The following FAM222B variants were observed in gnomAD, a reference collection of about 807,000 sequenced individuals.
The protein encoded by FAM222B is protein FAM222B.
In FAM222B, 12 loss-of-function variants were observed where a neutral mutation model predicts 38.0. The ratio of observed to expected loss-of-function variants is 0.32; its 90% CI spans 0.20 to 0.51. The LOEUF is 0.51. Among genes scored for constraint, FAM222B ranks in the 20% least tolerant of loss-of-function variants. The probability of loss-of-function intolerance (pLI) is 0.97; values close to 1 mark genes in which losing one functional copy is unlikely to be tolerated. For missense variants in FAM222B, 716 were observed against 754.2 expected, an observed-to-expected ratio of 0.95 and a Z score of 0.59; for synonymous variants, 329 against 317.2, an observed-to-expected ratio of 1.04 and a Z score of -0.40.
At chr17:28,786,223 T>C (rs1278183145) in intron 1 of FAM222B, among the ~76,000 whole-genome samples, 1 of 152,160 alleles carries the variant, frequency 6.6e-6, no homozygotes, top group Non-Finnish European at 1.5e-5. Context: ...CACTTTGCAA[T>C]GTAACTCATT....
intron 1 of FAM222B, among the ~76,000 whole-genome samples, chr17:28,848,180 G>A (rs900320782): frequency 1.3e-5 from 2 of 152,102 alleles, no homozygotes; most frequent in African/African-American, 4.8e-5. Flanking sequence ...AGCAGCTCCA[G>A]ATATTATGTC....
chr17:28,854,878 A>G (rs2039216062), intron 1 of FAM222B: 3 of 739,770 alleles, frequency 4.1e-6, no homozygotes, highest in African/African-American at 3.5e-5. Context: ...CTTAGCCTCC[A>G]CCAGTCTCCA....
intron 1 of FAM222B, among the ~76,000 whole-genome samples, chr17:28,808,029 G>C (rs1222228117): frequency 6.6e-6 from 1 of 152,192 alleles, no homozygotes; most frequent in African/African-American, 2.4e-5. Flanking sequence ...CTGCCAGACT[G>C]AACAGCTCTG....
At chr17:28,829,838 C>T (rs911642103) in intron 1 of FAM222B, among the ~76,000 whole-genome samples, 8 of 151,864 alleles carry the variant, frequency 5.3e-5, no homozygotes, top group African/African-American at 1.9e-4. Flanking sequence ...ATACTTAGGT[C>T]ATTTTTTTTA....
chr17:28,795,726 T>C (rs2036910018), intron 1 of FAM222B, among the ~76,000 whole-genome samples: 1 of 152,232 alleles, frequency 6.6e-6, no homozygotes, highest in Non-Finnish European at 1.5e-5. Flanking sequence ...ACAGCCAATG[T>C]CCTACAGACT....
At chr17:28,816,612 A>G (rs1239602580) in intron 1 of FAM222B, among the ~76,000 whole-genome samples, 2 of 152,124 alleles carry the variant, frequency 1.3e-5, no homozygotes, top group Non-Finnish European at 2.9e-5. Flanking sequence ...AAAACGACAC[A>G]GTTCCCAGTA....
At chr17:28,836,389 C>T (rs918488823) in intron 1 of FAM222B, among the ~76,000 whole-genome samples, 1 of 152,074 alleles carries the variant, frequency 6.6e-6, no homozygotes. Flanking sequence ...CGCCTGTAAT[C>T]CCAGCACTTT....
intron 1 of FAM222B, among the ~76,000 whole-genome samples, chr17:28,772,874 GAC>G (rs1264240690): frequency 6.6e-6 from 1 of 152,098 alleles, no homozygotes; most frequent in Non-Finnish European, 1.5e-5. Flanking sequence ...CAGCCTCGGC[GAC>G]AGAGCGAGAC....
upstream of FAM222B, among the ~76,000 whole-genome samples, chr17:28,846,948 G>A (rs556738365): frequency 2.0e-4 from 30 of 152,148 alleles, no homozygotes; most frequent in African/African-American, 7.2e-4. Flanking sequence ...TTAGCGCTGG[G>A]CGTGGTGGCT....
At chr17:28,824,901 G>A (rs1223924448) in intron 1 of FAM222B, among the ~76,000 whole-genome samples, 3 of 152,084 alleles carry the variant, frequency 2.0e-5, no homozygotes, top group Non-Finnish European at 4.4e-5. Flanking sequence ...GAGTAGCTGG[G>A]ATTACAGGCA....
At chr17:28,840,187 C>T (rs1234543196) in intron 1 of FAM222B, among the ~76,000 whole-genome samples, 6 of 151,766 alleles carry the variant, frequency 4.0e-5, no homozygotes, top group Non-Finnish European at 7.4e-5. Context: ...ACCAAAATGG[C>T]GAAACCCCAT....
intron 1 of FAM222B, among the ~76,000 whole-genome samples, chr17:28,780,097 G>A (rs2036100375): frequency 6.6e-6 from 1 of 151,760 alleles, no homozygotes; most frequent in Non-Finnish European, 1.5e-5. Flanking sequence ...TCAGCCTCCT[G>A]GGTAGGTGGG....
At chr17:28,760,838 A>C (rs1275566462) in intron 2 of FAM222B, among the ~76,000 whole-genome samples, 1 of 152,200 alleles carries the variant, frequency 6.6e-6, no homozygotes, top group African/African-American at 2.4e-5. Context: ...TCAGGAGCAG[A>C]GGAATAAGCT....
At chr17:28,812,491 G>C (rs1187471498) in intron 1 of FAM222B, 4 of 151,870 alleles carry the variant, frequency 2.6e-5, no homozygotes, top group Non-Finnish European at 5.9e-5. Context: ...CCTCCACCCT[G>C]GCTCTTCGCG....
rs2037996525 is a variant in FAM222B, at chr17:28,815,714, C to G, written c.-41+26968G>C. Among the ~76,000 whole-genome samples, 4 of 151,988 alleles carry G rather than the reference C, an allele frequency of 2.6e-5. No homozygotes were observed. The South Asian group carries it at 8.3e-4, about 31-fold the overall frequency. Reference sequence around the variant, plus strand: ...GTGTGATGACTCACGACTGTAACTCCAGCACTTTGGGTGGCTGAGACAGGC... The same window carrying G: ...GTGTGATGACTCACGACTGTAACTCGAGCACTTTGGGTGGCTGAGACAGGC... On this transcript the variant is annotated intron_variant, in intron 1 of 2. Coordinates refer to ENST00000581407, the MANE Select transcript of FAM222B (RefSeq NM_001077498.3).
upstream of FAM222B, among the ~76,000 whole-genome samples, chr17:28,844,156 T>A (rs1427913039): frequency 6.6e-6 from 1 of 152,130 alleles, no homozygotes; most frequent in African/African-American, 2.4e-5. Context: ...AATCGAGTCC[T>A]GAGAATTCAA....
At chr17:28,809,006 A>G (rs2151919085) in intron 1 of FAM222B, among the ~76,000 whole-genome samples, 1 of 152,250 alleles carries the variant, frequency 6.6e-6, no homozygotes, top group South Asian at 2.1e-4. Context: ...GTCTCCCTTT[A>G]GAGAGAACAT....
chr17:28,811,405 ACTCCAGCCTGGGC>A (rs2037757931), intron 1 of FAM222B, among the ~76,000 whole-genome samples: 1 of 152,112 alleles, frequency 6.6e-6, no homozygotes, highest in Non-Finnish European at 1.5e-5. Context: ...GCGCCACTGC[ACTCCAGCCTGGGC>A]AACAGAGCGA....
intron 1 of FAM222B, among the ~76,000 whole-genome samples, chr17:28,815,577 A>T (rs1431207729): frequency 6.7e-6 from 1 of 148,304 alleles, no homozygotes; most frequent in Non-Finnish European, 1.5e-5. Context: ...CTGTAATCCC[A>T]GCACTTCGGG....
Sources: gnomAD v4.1 joint callset for allele counts (sites outside exome capture counted in the v4.1 genomes callset) on GRCh38, gnomAD v4.1.1 for gene constraint, MANE v1.5 for transcripts, NCBI Gene and HGNC (gene_info 2026-07-23, HGNC 2026-07-21) for gene names.